GCSAML: variants seen among roughly 807,000 people sequenced by gnomAD.
The protein encoded by GCSAML is germinal center-associated signaling and motility-like protein.
In GCSAML, 9 loss-of-function variants were observed where a neutral mutation model predicts 13.0. That is an observed-to-expected ratio of 0.69 (90% CI 0.42 to 1.21). The LOEUF is 1.21. Ranked by LOEUF, GCSAML falls within the 50% of genes most tolerant of loss-of-function variation. The pLI is 0.00. For synonymous variants in GCSAML, 37 were observed against 52.9 expected (o/e 0.70, Z 1.31); for missense variants, 143 against 153.4 (o/e 0.93, Z 0.36).
upstream of GCSAML, among the ~76,000 whole-genome samples, chr1:247,547,419 G>A (rs1188750797): frequency 6.6e-6 from 1 of 152,190 alleles, no homozygotes; most frequent in Admixed American, 6.5e-5. Context: ...GGGAGTTAGA[G>A]GTGCTGAAAA....
intron 2 of GCSAML, among the ~76,000 whole-genome samples, chr1:247,559,460 C>T (rs532597459): frequency 6.6e-5 from 10 of 151,830 alleles, no homozygotes; most frequent in South Asian, 2.1e-4. Flanking sequence ...TCTGAAATGA[C>T]GGCCTTGCTA....
intron 2 of GCSAML, among the ~76,000 whole-genome samples, chr1:247,560,718 T>A (rs1000392243): frequency 2.0e-5 from 3 of 152,178 alleles, no homozygotes; most frequent in Non-Finnish European, 2.9e-5. Flanking sequence ...CATTAACAAC[T>A]TAATATATTT....
chr1:247,521,615 C>T (rs759471450), intron 1 of GCSAML, among the ~76,000 whole-genome samples: 40 of 152,308 alleles, frequency 2.6e-4, no homozygotes, highest in Admixed American at 5.2e-4. Flanking sequence ...CTCCTAACCG[C>T]GAGTGATCTG....
At chr1:247,533,663 G>T (rs1667100079) in intron 2 of GCSAML, 1 of 152,176 alleles carries the variant, frequency 6.6e-6, no homozygotes, top group African/African-American at 2.4e-5. Flanking sequence ...TGCCCTTCAT[G>T]TTCAATCATA....
At chr1:247,538,110 T>C (rs889540931) in intron 2 of GCSAML, among the ~76,000 whole-genome samples, 12 of 152,134 alleles carry the variant, frequency 7.9e-5, no homozygotes, top group Non-Finnish European at 1.3e-4. Context: ...CTTCTAAGAG[T>C]TTATAATTTT....
intron 3 of GCSAML, among the ~76,000 whole-genome samples, chr1:247,564,813 T>C (rs1668276546): frequency 6.6e-6 from 1 of 152,136 alleles, no homozygotes; most frequent in Admixed American, 6.6e-5. Flanking sequence ...TGGCTAGCCA[T>C]ATGGAGAGGA....
chr1:247,552,267 A>G (rs1291845620), intron 1 of GCSAML, among the ~76,000 whole-genome samples: 2 of 152,226 alleles, frequency 1.3e-5, no homozygotes, highest in Non-Finnish European at 2.9e-5. Flanking sequence ...AACAACCAAA[A>G]TGAAGAGGAA....
chr1:247,566,875 A>T (rs1668394727), intron 4 of GCSAML, among the ~76,000 whole-genome samples: 1 of 151,942 alleles, frequency 6.6e-6, no homozygotes, highest in African/African-American at 2.4e-5. Flanking sequence ...TATAAAAATT[A>T]TAATGAATAA....
At chr1:247,522,148 C>T (rs551531017) in intron 1 of GCSAML, among the ~76,000 whole-genome samples, 59 of 151,760 alleles carry the variant, frequency 3.9e-4, no homozygotes, top group African/African-American at 1.3e-3. Flanking sequence ...GCCTGGCAGC[C>T]GCCCCATCTG....
chr1:247,567,059 A>C (rs1668404449), intron 4 of GCSAML, among the ~76,000 whole-genome samples: 1 of 150,894 alleles, frequency 6.6e-6, no homozygotes. Flanking sequence ...CTTGGAGTGC[A>C]GTTTATGCTG....
At chr1:247,546,640 T>C (rs36021812), upstream of GCSAML, among the ~76,000 whole-genome samples, 126,400 of 151,992 alleles carry the variant, frequency 0.83, 53,335 homozygotes, top group African/African-American at 0.94. Context: ...GGATGACAGG[T>C]GTGAGCCACC....
chr1:247,556,663 C>T (rs1293854927), intron 2 of GCSAML, among the ~76,000 whole-genome samples, 197 bp downstream of exon 2: 2 of 152,008 alleles, frequency 1.3e-5, no homozygotes, highest in Non-Finnish European at 2.9e-5. Flanking sequence ...GGGTATTAGC[C>T]ACGTGTTTTG....
chr1:247,513,104 C>T (rs939591387), intron 1 of GCSAML, among the ~76,000 whole-genome samples: 1 of 152,176 alleles, frequency 6.6e-6, no homozygotes, highest in African/African-American at 2.4e-5. Context: ...TGAAGCTGTG[C>T]CCATAGCCGC....
At chr1:247,563,868 C>G (rs7523951) in intron 3 of GCSAML, among the ~76,000 whole-genome samples, 5,425 of 151,932 alleles carry the variant, frequency 0.036, 313 homozygotes, top group African/African-American at 0.12. Flanking sequence ...AACCAAAATT[C>G]TACTGTTTTT....
chr1:247,555,642 C>A (rs1172019706), intron 1 of GCSAML, among the ~76,000 whole-genome samples: 1 of 152,106 alleles, frequency 6.6e-6, no homozygotes, highest in Non-Finnish European at 1.5e-5. Context: ...CTCTTATATG[C>A]AAAGCTACCT....
chr1:247,512,008 A>G (rs1230252687), intron 1 of GCSAML, among the ~76,000 whole-genome samples: 1 of 152,114 alleles, frequency 6.6e-6, no homozygotes, highest in Admixed American at 6.5e-5. Context: ...CTCGCGGAGT[A>G]TCTTAACGGT....
intron 1 of GCSAML, among the ~76,000 whole-genome samples, chr1:247,551,983 A>G (rs548425690): frequency 1.3e-5 from 2 of 152,222 alleles, no homozygotes; most frequent in Non-Finnish European, 2.9e-5. Context: ...AGTAGGTCAG[A>G]TAATGTCTTT....
chr1:247,530,522 C>CCCCG (rs1553302958), intron 2 of GCSAML: 12 of 140,338 alleles, frequency 8.6e-5, no homozygotes, highest in Non-Finnish European at 1.8e-4. Flanking sequence ...TGCCATCCCC[C>CCCCG]CCCCACAAAA....
intron 1 of GCSAML, among the ~76,000 whole-genome samples, chr1:247,511,318 C>T (rs1024287765): frequency 1.3e-5 from 2 of 152,112 alleles, no homozygotes; most frequent in African/African-American, 4.8e-5. Flanking sequence ...TCTGTTTTAT[C>T]AGAGATCAGG....
Sources: gnomAD v4.1 joint callset for allele counts (sites outside exome capture counted in the v4.1 genomes callset) on GRCh38, gnomAD v4.1.1 for gene constraint, MANE v1.5 for transcripts, NCBI Gene and HGNC (gene_info 2026-07-23, HGNC 2026-07-21) for gene names.